Variants in TTLL5 observed in about 807,000 individuals in gnomAD.
TTLL5 encodes the protein tubulin polyglutamylase TTLL5.
TTLL5 carries 132 observed loss-of-function variants against 168.4 expected under a neutral mutation model. The observed-to-expected ratio is 0.78, with a 90% CI of 0.68 to 0.91. TTLL5 has a LOEUF of 0.91. Among genes scored for constraint, TTLL5 ranks in the 40% least tolerant of loss-of-function variants. The pLI is 0.00. For missense variants in TTLL5, 1,545 were observed against 1,581.5 expected (o/e 0.98, Z 0.39); for synonymous variants, 546 against 558.6 (o/e 0.98, Z 0.32).
intron 3 of TTLL5, among the ~76,000 whole-genome samples, chr14:75,676,765 T>G (rs182612980): frequency 6.6e-6 from 1 of 151,994 alleles, no homozygotes; most frequent in East Asian, 1.9e-4. Context: ...TGATAGCATT[T>G]TACTTTTTTT....
chr14:75,669,121 T>G lies in TTLL5; in HGVS notation c.75-295T>G, dbSNP rs183359877. On this transcript the variant is annotated intron_variant, in intron 2 of 31. Coordinates refer to ENST00000298832, the MANE Select transcript of TTLL5 (RefSeq NM_015072.5). ...TTTCTCACAGAGTCCAGAACATGTCTCCTTAAACTTATGGGCTCCAATTGG... is the reference window on the plus strand; with the variant it reads ...TTTCTCACAGAGTCCAGAACATGTCGCCTTAAACTTATGGGCTCCAATTGG... 1.4e-3 allele frequency among the ~76,000 whole-genome samples: 216 copies of G among 152,316 alleles called. 1 individual carries two copies. The highest frequency in any genetic ancestry group is 5.1e-3 in the African/African-American group (211 of 41,566).
At chr14:75,699,952 A>T (rs1201949015) in intron 7 of TTLL5, among the ~76,000 whole-genome samples, 3 of 152,128 alleles carry the variant, frequency 2.0e-5, no homozygotes, top group Admixed American at 2.0e-4. Flanking sequence ...GTATTTGTTA[A>T]TTCCCAGTTT....
chr14:75,921,926 C>T (rs1044075634), intron 31 of TTLL5, among the ~76,000 whole-genome samples: 39 of 152,220 alleles, frequency 2.6e-4, no homozygotes, highest in African/African-American at 4.1e-4. Context: ...TAGTTCTCCT[C>T]GAAGAGGTCC....
intron 23 of TTLL5, among the ~76,000 whole-genome samples, chr14:75,777,709 C>T (rs905655019): frequency 3.3e-5 from 5 of 152,090 alleles, no homozygotes; most frequent in Non-Finnish European, 5.9e-5. Context: ...GGGAGAAAAT[C>T]AGTAGAAAAT....
chr14:75,667,949 C>T (rs546720464), intron 2 of TTLL5, among the ~76,000 whole-genome samples: 2 of 151,778 alleles, frequency 1.3e-5, no homozygotes, highest in East Asian at 1.9e-4. Flanking sequence ...TTAGTAGAGA[C>T]GGGGTTTCAC....
rs115601577 is a variant in TTLL5, at chr14:75,747,990, C to G, written c.1487+2409C>G. 9.5e-4 allele frequency among the ~76,000 whole-genome samples: 144 copies of G among 152,304 alleles called. 1 individual carries two copies. Among genetic ancestry groups the G allele is most frequent in the African/African-American group, 3.2e-3 (135 of 41,572 alleles). On this transcript the variant is annotated intron_variant, in intron 17 of 31. Coordinates refer to ENST00000298832, the MANE Select transcript of TTLL5 (RefSeq NM_015072.5). ...GCTACTCCCTAGAAATTAGATTTCTCTTGTCTCTTTTCAGAGACAGTTGGG... is the reference window on the plus strand; with the variant it reads ...GCTACTCCCTAGAAATTAGATTTCTGTTGTCTCTTTTCAGAGACAGTTGGG...
At chr14:75,805,047 G>C (rs1893569667) in intron 27 of TTLL5, among the ~76,000 whole-genome samples, 1 of 152,048 alleles carries the variant, frequency 6.6e-6, no homozygotes, top group Non-Finnish European at 1.5e-5. Flanking sequence ...GTTGGCTCTA[G>C]TCTCCCTTCT....
intron 9 of TTLL5, among the ~76,000 whole-genome samples, chr14:75,715,806 A>AT (rs201410772): frequency 0.15 from 21,546 of 146,470 alleles, 1,804 homozygotes; most frequent in Non-Finnish European, 0.19. Flanking sequence ...AAGAAACATG[A>AT]TTTTTTTTTT....
At chr14:75,864,777 C>T (rs1451630940) in intron 29 of TTLL5, among the ~76,000 whole-genome samples, 1 of 152,038 alleles carries the variant, frequency 6.6e-6, no homozygotes, top group Non-Finnish European at 1.5e-5. Context: ...AGTTTGATCT[C>T]CTGATCATTT....
In TTLL5 at chr14:75,737,665, A is replaced by G. The variant is rs548893411; in HGVS notation, c.1281+2376A>G. On this transcript the variant is annotated intron_variant, in intron 15 of 31. Transcript: ENST00000298832. ...ATTTTATTTTCATTCTCCAAATGGA[A>G]AGTTTTTTAGCTTTAGTTTTTCATG... 41 of 1,499,926 alleles carry G rather than the reference A, an allele frequency of 2.7e-5. No homozygotes were observed. In the South Asian group the frequency reaches 5.1e-4, roughly 19 times the overall value. 92.9% of individuals were successfully genotyped at this position (1,499,926 alleles called of 1,614,324 possible).
At chr14:75,803,524 G>T (rs751578058) in intron 27 of TTLL5, among the ~76,000 whole-genome samples, 4 of 152,200 alleles carry the variant, frequency 2.6e-5, no homozygotes, top group Non-Finnish European at 4.4e-5. Context: ...AGAGATAAAT[G>T]TTCTCAACTA....
intron 29 of TTLL5, among the ~76,000 whole-genome samples, chr14:75,872,857 G>A (rs2031150356): frequency 6.7e-6 from 1 of 148,936 alleles, no homozygotes; most frequent in Non-Finnish European, 1.5e-5. Flanking sequence ...GTTGCAGTGA[G>A]CCAAGATCGT....
At chr14:75,809,632 A>G (rs1893873670) in intron 27 of TTLL5, among the ~76,000 whole-genome samples, 1 of 152,184 alleles carries the variant, frequency 6.6e-6, no homozygotes, top group South Asian at 2.1e-4. Flanking sequence ...TGTTAACTGC[A>G]ATTTTCCTAC....
At chr14:75,950,589 T>A (rs1448801708) in intron 31 of TTLL5, among the ~76,000 whole-genome samples, 3 of 152,200 alleles carry the variant, frequency 2.0e-5, no homozygotes, top group Admixed American at 6.5e-5. Context: ...ACGATGCCGA[T>A]CATTATCAAA....
intron 28 of TTLL5, among the ~76,000 whole-genome samples, chr14:75,833,127 C>T (rs1297512852): frequency 6.6e-6 from 1 of 152,188 alleles, no homozygotes; most frequent in East Asian, 1.9e-4. Context: ...CTCTCAGCCT[C>T]ACTTCCTGCG....
At chr14:75,692,589 A>G (rs556540663) in intron 6 of TTLL5, among the ~76,000 whole-genome samples, 1 of 152,318 alleles carries the variant, frequency 6.6e-6, no homozygotes, top group East Asian at 1.9e-4. Flanking sequence ...CAGAGAGAAG[A>G]AACTGGTGGT....
At chr14:75,776,872 T>C (rs776530342) in intron 23 of TTLL5, 22 bp downstream of exon 23, 1 of 1,578,518 alleles carries the variant, frequency 6.3e-7, no homozygotes, top group Non-Finnish European at 8.7e-7. Flanking sequence ...TCTTGATTGA[T>C]AAAAGCTGTC....
rs369357077 is a variant in TTLL5, at chr14:75,735,610, TATTA to T, written c.1281+325_1281+328del. 1.3e-3 allele frequency among the ~76,000 whole-genome samples: 197 copies of T among 152,348 alleles called. 1 individual carries two copies. The highest frequency in any genetic ancestry group is 4.5e-3 in the African/African-American group (187 of 41,580). The stretch of plus-strand genomic sequence containing the variant: ...AGAAACAAGGCACAGAAAAGGAGCC[TATTA>T]ATTCTTAGTCATTACTGCATTCTTT... On this transcript the variant is annotated intron_variant, in intron 15 of 31. Transcript: ENST00000298832.
At position 75,795,774 on chromosome 14, in the gene TTLL5, A is replaced by G. The variant is rs116542230; in HGVS notation, c.3171+2674A>G. 8.3e-3 allele frequency among the ~76,000 whole-genome samples: 1,269 copies of G among 152,222 alleles called. 16 individuals carry two copies. Among genetic ancestry groups the G allele is most frequent in the African/African-American group, 0.029 (1,194 of 41,542 alleles). ...ATTATTTTGTTCCTTTTTATGGATGAGTAGTAGTCCATGGTGTATATATAT... is the reference window on the plus strand; with the variant it reads ...ATTATTTTGTTCCTTTTTATGGATGGGTAGTAGTCCATGGTGTATATATAT... On this transcript the variant is annotated intron_variant, in intron 27 of 31. Transcript: ENST00000298832.
Sources: gnomAD v4.1 joint callset for allele counts (sites outside exome capture counted in the v4.1 genomes callset) on GRCh38, gnomAD v4.1.1 for gene constraint, MANE v1.5 for transcripts, NCBI Gene and HGNC (gene_info 2026-07-23, HGNC 2026-07-21) for gene names.